Variants in RNF216 observed in about 807,000 individuals in gnomAD.
The protein encoded by RNF216 is ring finger protein 216.
RNF216 carries 72 observed loss-of-function variants against 110.8 expected under a neutral mutation model. The observed-to-expected ratio is 0.65, with a 90% CI of 0.54 to 0.79. The LOEUF is 0.79. Ranked by LOEUF, RNF216 falls within the 30% of genes least tolerant of loss-of-function variation. RNF216 has a pLI of 0.00. For synonymous variants in RNF216, 495 were observed against 407.5 expected (o/e 1.21, Z -2.59); for missense variants, 1,342 against 1,141.2 (o/e 1.18, Z -2.54).
At chr7:5,644,386 A>G (rs547032528) in intron 14 of RNF216, among the ~76,000 whole-genome samples, 2 of 152,310 alleles carry the variant, frequency 1.3e-5, no homozygotes, top group Admixed American at 1.3e-4. Flanking sequence ...ATAGGTGTGA[A>G]GCGGTATCTT....
intron 1 of RNF216, chr7:5,766,938 G>A (rs1270972801): frequency 6.6e-6 from 1 of 152,194 alleles, no homozygotes; most frequent in African/African-American, 2.4e-5. Flanking sequence ...CTGTTCCAGA[G>A]GCTAAAAGAG....
intron 1 of RNF216, among the ~76,000 whole-genome samples, chr7:5,779,678 A>G (rs1178640079): frequency 8.8e-6 from 1 of 113,652 alleles, no homozygotes; most frequent in East Asian, 2.7e-4. Flanking sequence ...AAAAAAAAAA[A>G]GTTAGCCGAG....
intron 15 of RNF216, among the ~76,000 whole-genome samples, chr7:5,640,077 T>TA (rs1562779775): frequency 6.6e-6 from 1 of 150,786 alleles, no homozygotes; most frequent in African/African-American, 2.4e-5. Context: ...TTTTTTTTTT[T>TA]AATGAGATGG....
chr7:5,665,493 T>C (rs1789448900), intron 13 of RNF216, among the ~76,000 whole-genome samples: 1 of 152,208 alleles, frequency 6.6e-6, no homozygotes, highest in Admixed American at 6.5e-5. Flanking sequence ...GTTCTTTCCC[T>C]GAGCCACCAG....
intron 13 of RNF216, among the ~76,000 whole-genome samples, chr7:5,652,781 C>A (rs1214629121): frequency 6.6e-6 from 1 of 151,628 alleles, no homozygotes; most frequent in African/African-American, 2.4e-5. Flanking sequence ...CAGAGTGAGA[C>A]CCTGTCCCTT....
In RNF216 at chr7:5,620,798, C is replaced by CT. The variant is rs1384846650; in HGVS notation, c.*2061dup. The CT allele has an allele frequency of 3.3e-5, 5 of 152,438 alleles. No individual in the cohort carries two copies. Among genetic ancestry groups the CT allele is most frequent in the Admixed American group, 2.6e-4 (4 of 15,288 alleles). 9.4% of individuals were successfully genotyped at this position (152,438 alleles called of 1,614,324 possible). On this transcript the variant is annotated 3_prime_UTR_variant, in exon 17 of 17. Transcript: ENST00000389902. Reference sequence around the variant, plus strand: ...CCTGCTCCCTTTGTCCTGCCTGGGGCTCTTGCTGGAGCCACGTGCCTAGGG... The same window carrying CT: ...CCTGCTCCCTTTGTCCTGCCTGGGGCTTCTTGCTGGAGCCACGTGCCTAGGG...
intron 14 of RNF216, among the ~76,000 whole-genome samples, chr7:5,651,883 G>A (rs755364803): frequency 1.3e-5 from 2 of 152,092 alleles, no homozygotes; most frequent in Non-Finnish European, 2.9e-5. Flanking sequence ...TCCTGACCTC[G>A]TGATCCGCCA....
intron 2 of RNF216, among the ~76,000 whole-genome samples, chr7:5,754,197 C>G (rs1300781862): frequency 6.7e-6 from 1 of 149,056 alleles, no homozygotes; most frequent in African/African-American, 2.5e-5. Context: ...GCTCTATTGC[C>G]CAGACTGCAG....
chr7:5,674,841 A>T (rs1790170253), intron 13 of RNF216, among the ~76,000 whole-genome samples: 1 of 151,988 alleles, frequency 6.6e-6, no homozygotes, highest in African/African-American at 2.4e-5. Context: ...ACTAAAAAAT[A>T]CAAAAATTAG....
chr7:5,636,685 C>G (rs368072526), intron 15 of RNF216, among the ~76,000 whole-genome samples: 1 of 152,154 alleles, frequency 6.6e-6, no homozygotes, highest in Admixed American at 6.6e-5. Flanking sequence ...CGGGGCTGAT[C>G]GCTGTTTTGA....
intron 3 of RNF216, among the ~76,000 whole-genome samples, chr7:5,751,239 T>G (rs1263914728): frequency 1.3e-5 from 2 of 152,140 alleles, no homozygotes; most frequent in Non-Finnish European, 2.9e-5. Context: ...ATAAAGTATA[T>G]GCTGGGACCA....
In RNF216 at chr7:5,752,870, C is replaced by T. The variant is rs114620667; in HGVS notation, c.177G>A (p.Leu59=). Residue 59 remains leucine (L), a synonymous_variant, in exon 3 of 17, where the codon CTG becomes CTA. Coordinates refer to ENST00000389902, the MANE Select transcript of RNF216 (RefSeq NM_207111.4). The part of the protein sequence containing the change: ...PAPQQHEEED[L]DDDVILTETN... ...CTTCTGTCAGGATGACATCATCATCCAGGTCCTCTTCTTCATGCTGCTGAG... is the reference window on the plus strand; with the variant it reads ...CTTCTGTCAGGATGACATCATCATCTAGGTCCTCTTCTTCATGCTGCTGAG... 4,409 of 1,612,276 alleles carry T rather than the reference C, an allele frequency of 2.7e-3. 113 individuals carry two copies. The African/African-American group carries it at 0.054, about 20-fold the overall frequency.
At chr7:5,708,087 G>T (rs117312341) in intron 13 of RNF216, among the ~76,000 whole-genome samples, 3,025 of 152,224 alleles carry the variant, frequency 0.02, 45 homozygotes, top group Non-Finnish European at 0.032. Flanking sequence ...TAAGTGTATC[G>T]CCTTGTGGCT....
intron 13 of RNF216, among the ~76,000 whole-genome samples, chr7:5,706,531 T>C (rs556451776): frequency 6.6e-6 from 1 of 152,284 alleles, no homozygotes; most frequent in Non-Finnish European, 1.5e-5. Context: ...TCCCTCAAGG[T>C]GGTTTATCTG....
At position 5,711,774 on chromosome 7, in the gene RNF216, G is replaced by C; in HGVS notation, c.2048C>G (p.Pro683Arg). ...GTGCCTCCCTACCTTTCGGCAGTGA[G>C]GATTAGGACAGCTGAACCTCTTCAC... ...SDVKRFSCPN[P>R]HCRKETCRKC... Residue 683 changes from proline to arginine, a missense_variant, in exon 13 of 17, where the codon CCT becomes CGT. Physicochemically the swap from Pro to Arg is moderately radical, Grantham distance 103. Transcript: ENST00000389902. 6.2e-7 allele frequency: 1 copy of C among 1,613,550 alleles called. No homozygotes were observed. Among genetic ancestry groups the C allele is most frequent in the African/African-American group, 1.3e-5 (1 of 75,028 alleles).
intron 14 of RNF216, among the ~76,000 whole-genome samples, chr7:5,648,104 C>T (rs1286330701): frequency 6.7e-6 from 1 of 148,300 alleles, no homozygotes; most frequent in African/African-American, 2.6e-5. Flanking sequence ...AAGCCTTTAG[C>T]TCTATTTTTT....
At chr7:5,708,912 T>C (rs1792476579) in intron 13 of RNF216, among the ~76,000 whole-genome samples, 1 of 152,190 alleles carries the variant, frequency 6.6e-6, no homozygotes, top group East Asian at 1.9e-4. Flanking sequence ...CGAGGTGCAC[T>C]GGACTCTGCC....
intron 13 of RNF216, among the ~76,000 whole-genome samples, chr7:5,661,595 G>T (rs1231094688): frequency 6.6e-6 from 1 of 152,090 alleles, no homozygotes. Context: ...TTAAGGTCAG[G>T]AGTTTGAGAC....
At chr7:5,646,501 G>A (rs1175978468) in intron 14 of RNF216, among the ~76,000 whole-genome samples, 1 of 151,950 alleles carries the variant, frequency 6.6e-6, no homozygotes, top group Non-Finnish European at 1.5e-5. Context: ...AGACTATCCT[G>A]GCTAACACGG....
Sources: gnomAD v4.1 joint callset for allele counts (sites outside exome capture counted in the v4.1 genomes callset) on GRCh38, gnomAD v4.1.1 for gene constraint, MANE v1.5 for transcripts, NCBI Gene and HGNC (gene_info 2026-07-23, HGNC 2026-07-21) for gene names.